The following CEP89 variants were observed in gnomAD, a reference collection of about 807,000 sequenced individuals.
The protein encoded by CEP89 is centrosomal protein 89.
Under a neutral mutation model 97.6 loss-of-function variants are expected in CEP89, and 95 were observed. The observed-to-expected ratio is 0.97, with a 90% confidence interval of 0.82 to 1.15. The LOEUF (loss-of-function observed/expected upper bound fraction) is 1.15, where lower values mean the gene tolerates loss of function less well. CEP89 is among the 50% of genes most tolerant of loss of function. The pLI is 0.00. For synonymous variants in CEP89, 354 were observed against 349.1 expected, an observed-to-expected ratio of 1.01 and a Z score of -0.16; for missense variants, 869 against 947.7, an observed-to-expected ratio of 0.92 and a Z score of 1.09.
intron 16 of CEP89, among the ~76,000 whole-genome samples, chr19:32,889,332 C>T (rs956315183): frequency 1.3e-5 from 2 of 152,140 alleles, no homozygotes; most frequent in African/African-American, 2.4e-5. Flanking sequence ...GCATGGATAG[C>T]GGGTGTCTGC....
chr19:32,922,031 G>A (rs115361732), intron 12 of CEP89, among the ~76,000 whole-genome samples: 239 of 152,262 alleles, frequency 1.6e-3, no homozygotes, highest in African/African-American at 5.4e-3. Context: ...TTGCTTTTAG[G>A]CTTTTCAAGA....
intron 10 of CEP89, 51 bp downstream of exon 10, chr19:32,926,883 T>C (rs766793824): frequency 3.2e-6 from 5 of 1,540,492 alleles, no homozygotes; most frequent in African/African-American, 2.7e-5. Context: ...TTAATAGCTA[T>C]GCAAATATAC....
intron 11 of CEP89, among the ~76,000 whole-genome samples, chr19:32,923,746 C>G (rs1186563710): frequency 6.6e-6 from 1 of 152,052 alleles, no homozygotes; most frequent in South Asian, 2.1e-4. Context: ...GCACTAGGAC[C>G]AAATGCAAGG....
intron 13 of CEP89, 75 bp from the exon 14 acceptor site, chr19:32,915,592 T>C: frequency 2.4e-6 from 3 of 1,267,322 alleles, no homozygotes; most frequent in Non-Finnish European, 3.4e-6. Context: ...TATTAGGAAA[T>C]ACTAATGAGA....
rs750015543 is a variant in CEP89, at chr19:32,915,332, C to A, written c.1565+5G>T. The A allele has an allele frequency of 1.3e-6, 2 of 1,577,318 alleles. No homozygotes were observed. Among genetic ancestry groups the A allele is most frequent in the South Asian group, 2.4e-5 (2 of 84,832 alleles). On this transcript the variant is annotated splice_donor_5th_base_variant and intron_variant, in intron 14 of 18. Coordinates refer to ENST00000305768, the MANE Select transcript of CEP89 (RefSeq NM_032816.5). Reference sequence around the variant, plus strand: ...AAAAAAAAAGAAAAAACATTAAATCCTTACCTTTTTAATTCATTCACAATT... The same window carrying A: ...AAAAAAAAAGAAAAAACATTAAATCATTACCTTTTTAATTCATTCACAATT...
chr19:32,966,794 C>G (rs1971293573), intron 1 of CEP89, among the ~76,000 whole-genome samples: 1 of 152,152 alleles, frequency 6.6e-6, no homozygotes, highest in Admixed American at 6.5e-5. Context: ...TGTGGCTCCC[C>G]CTGCAGAGCA....
At chr19:32,901,591 G>GC (rs1969772344) in intron 14 of CEP89, among the ~76,000 whole-genome samples, 179 bp from the exon 15 acceptor site, 1 of 151,934 alleles carries the variant, frequency 6.6e-6, no homozygotes, top group African/African-American at 2.4e-5. Context: ...GGACCAAGCT[G>GC]CTAGACCACC....
chr19:32,926,831 G>A, intron 10 of CEP89, 103 bp downstream of exon 10: 2 of 959,854 alleles, frequency 2.1e-6, no homozygotes, highest in Non-Finnish European at 3.3e-6. Context: ...CAAAGTGCTG[G>A]GATTACAGAC....
intron 16 of CEP89, among the ~76,000 whole-genome samples, chr19:32,894,454 C>T (rs921338671): frequency 6.6e-6 from 1 of 152,180 alleles, no homozygotes; most frequent in Non-Finnish European, 1.5e-5. Context: ...AATGTAGCTT[C>T]CCCAATCTCC....
Position 32,926,249 on chromosome 19 carries a change from A to G in CEP89, c.1105T>C (p.Leu369=). ...WLLDIKYLSP[L]LLAYEDMMKE... ...ATCATATCTTCATAAGCCAGCAACA[A>G]TGGTGACAGGTACTTTATATCCAAC... Residue 369 remains leucine, a synonymous_variant, in exon 11 of 19, where the codon TTG becomes CTG. Coordinates refer to ENST00000305768, the MANE Select transcript of CEP89 (RefSeq NM_032816.5). 6.2e-7 allele frequency: 1 copy of G among 1,613,088 alleles called. No homozygotes were observed. The highest frequency in any genetic ancestry group is 8.5e-7 in the Non-Finnish European group (1 of 1,179,118).
intron 10 of CEP89, 142 bp from the exon 11 acceptor site, chr19:32,926,415 C>A (rs1970359101): frequency 3.1e-6 from 2 of 645,466 alleles, no homozygotes; most frequent in African/African-American, 3.6e-5. Context: ...ACTCTCCCAG[C>A]TCAGGATCCC....
chr19:32,959,935 G>C lies in CEP89; in HGVS notation c.270C>G (p.Ile90Met). The change falls in exon 3 of 19, where the codon ATC becomes ATG. Residue 90 changes from isoleucine to methionine, a missense_variant. Physicochemically the swap from Ile to Met is conservative, Grantham distance 10. Coordinates refer to ENST00000305768, the MANE Select transcript of CEP89 (RefSeq NM_032816.5). Reference protein sequence around the residue: ...DVSSVEQDSFIEPYATTSQLR... With the variant: ...DVSSVEQDSFMEPYATTSQLR... ...GCTGTGAGGTGGTGGCATAGGGCTC[G>C]ATGAAGCTGTCCTGTTCAACACTGC... 6.2e-7 allele frequency: 1 copy of C among 1,614,206 alleles called. No individual in the cohort carries two copies. Among genetic ancestry groups the C allele is most frequent in the Non-Finnish European group, 8.5e-7 (1 of 1,180,042 alleles).
At position 32,881,863 on chromosome 19, in the gene CEP89, G is replaced by A. The variant is rs1184147940; in HGVS notation, c.2116C>T (p.Gln706Ter). ...CCCCACCTGTTCTGCTGCAGCGCCT[G>A]GTCCAGCACCTCCTGCTTGTCCTTC... ...VLKDKQEVLDQALQQNREMEG... is the reference protein window; with the variant it reads ...VLKDKQEVLD The change falls in exon 18 of 19, where the codon CAG becomes TAG. Residue 706 changes from glutamine (Q) to a stop codon, truncating the protein, a stop_gained. Transcript: ENST00000305768. LOFTEE classifies it low-confidence loss of function (END_TRUNC). 1.2e-6 allele frequency: 2 copies of A among 1,603,910 alleles called. No homozygotes were observed. Among genetic ancestry groups the A allele is most frequent in the South Asian group, 2.2e-5 (2 of 90,210 alleles).
At chr19:32,882,123 C>G in intron 17 of CEP89, 110 bp from the exon 18 acceptor site, 1 of 870,352 alleles carries the variant, frequency 1.1e-6, no homozygotes, top group Non-Finnish European at 1.7e-6. Context: ...CCTTTAAAAT[C>G]TAGCAACCCC....
chr19:32,926,213 C>T lies in CEP89; in HGVS notation c.1141G>A (p.Asp381Asn), dbSNP rs200882885. 2 of 1,613,652 alleles carry T rather than the reference C, an allele frequency of 1.2e-6. No homozygotes were observed. The highest frequency in any genetic ancestry group is 2.2e-5 in the East Asian group (1 of 44,870). Reference sequence around the variant, plus strand: ...ACCTTGAGGGTGGCATTGAGCTCGTCCTTCTCTTTCATCATATCTTCATAA... The same window carrying T: ...ACCTTGAGGGTGGCATTGAGCTCGTTCTTCTCTTTCATCATATCTTCATAA... ...LAYEDMMKEK[D>N]ELNATLKEEM... is the part of the protein sequence containing the mutation. Residue 381 changes from aspartate (D) to asparagine (N), a missense_variant, in exon 11 of 19, where the codon GAC (aspartate) becomes AAC (asparagine). By Grantham distance (23) the Asp-to-Asn change is conservative. Coordinates refer to ENST00000305768, the MANE Select transcript of CEP89 (RefSeq NM_032816.5).
intron 5 of CEP89, among the ~76,000 whole-genome samples, chr19:32,944,580 G>C (rs980360028): frequency 2.0e-5 from 3 of 152,156 alleles, no homozygotes; most frequent in Non-Finnish European, 4.4e-5. Flanking sequence ...AAGCTGGAGA[G>C]GTATGAGGAG....
intron 3 of CEP89, among the ~76,000 whole-genome samples, chr19:32,957,452 A>G (rs1412161854): frequency 6.6e-6 from 1 of 152,088 alleles, no homozygotes; most frequent in Non-Finnish European, 1.5e-5. Context: ...GGATCTCTTG[A>G]AGCTAGAAGT....
At chr19:32,961,156 G>C (rs10402360) in intron 2 of CEP89, among the ~76,000 whole-genome samples, 56,806 of 151,940 alleles carry the variant, frequency 0.37, 10,809 homozygotes, top group Admixed American at 0.48. Context: ...CCACCAGGAA[G>C]ACTGGAGAAA....
rs1038555837 is a variant in CEP89 at position 32,971,759 on chromosome 19, C to A, written c.39+77G>T. The A allele has an allele frequency of 4.7e-6, 7 of 1,483,262 alleles. No homozygotes were observed. In the African/African-American group the frequency reaches 7.0e-5, roughly 15 times the overall value. The allele number at this position is 1,483,262 out of a possible 1,614,324, so 91.9% of individuals were successfully genotyped here. A position where few individuals can be genotyped will look rare whatever the true frequency, so the allele number is the denominator to read the frequency against. On this transcript the variant is annotated intron_variant, in intron 1 of 18. Transcript: ENST00000305768. ...CCCTTGACTGGATCTCAGGCCAAACCCCAACCCGCCCCAACACTTTACCCC... is the reference window on the plus strand; with the variant it reads ...CCCTTGACTGGATCTCAGGCCAAACACCAACCCGCCCCAACACTTTACCCC...
Sources: allele counts gnomAD v4.1 joint callset (sites outside exome capture counted in the v4.1 genomes callset), GRCh38; gene constraint gnomAD v4.1.1; transcripts MANE v1.5; gene names NCBI Gene and HGNC (gene_info 2026-07-23, HGNC 2026-07-21).